ERC2: variants seen among roughly 807,000 people sequenced by gnomAD.
The protein encoded by ERC2 is ELKS/RAB6-interacting/CAST family member 2, also known as ERC protein 2.
ERC2 carries 42 observed loss-of-function variants against 114.8 expected under a neutral mutation model. The observed-to-expected ratio is 0.37, with a 90% CI of 0.29 to 0.47. The LOEUF (loss-of-function observed/expected upper bound fraction) is 0.47, where lower values mean the gene tolerates loss of function less well. ERC2 is among the 20% of genes least tolerant of loss of function. The pLI, the probability that ERC2 is intolerant of heterozygous loss-of-function variation, is 0.99. For missense variants in ERC2, 939 were observed against 1,150.7 expected, an observed-to-expected ratio of 0.82 and a Z score of 2.66; for synonymous variants, 454 against 425.5, an observed-to-expected ratio of 1.07 and a Z score of -0.82.
intron 14 of ERC2, among the ~76,000 whole-genome samples, chr3:55,760,108 G>A (rs1222298496): frequency 6.6e-6 from 1 of 152,138 alleles, no homozygotes; most frequent in African/African-American, 2.4e-5. Flanking sequence ...TTTTCTAATG[G>A]CTGAAAAAGG....
intron 12 of ERC2, among the ~76,000 whole-genome samples, chr3:55,952,485 G>T (rs2067650465): frequency 6.6e-6 from 1 of 152,080 alleles, no homozygotes; most frequent in South Asian, 2.1e-4. Context: ...ATGCCCTCTT[G>T]CTTTCTAATT....
At position 55,837,428 on chromosome 3, in the gene ERC2, A is replaced by G. The variant is rs1007323658; in HGVS notation, c.2564+50961T>C. Reference sequence around the variant, plus strand: ...ACCATGGAATACTATGCAGCCATAAAAAATGATGAGTTCATGTCCTTTGCA... The same window carrying G: ...ACCATGGAATACTATGCAGCCATAAGAAATGATGAGTTCATGTCCTTTGCA... On this transcript the variant is annotated intron_variant, in intron 14 of 17. Transcript: ENST00000288221. Among the ~76,000 whole-genome samples the G allele has an allele frequency of 5.3e-5, 8 of 152,304 alleles. No homozygotes were observed. The South Asian group carries it at 8.3e-4, about 16-fold the overall frequency.
chr3:55,600,583 T>C (rs753182008), intron 17 of ERC2, among the ~76,000 whole-genome samples: 1 of 152,238 alleles, frequency 6.6e-6, no homozygotes, highest in Non-Finnish European at 1.5e-5. Context: ...GGTTTTTGCA[T>C]TATACCCCTT....
At chr3:56,033,030 C>CATAAAGAAAGAAAGAA (rs1419601491) in intron 7 of ERC2, among the ~76,000 whole-genome samples, 1 of 65,184 alleles carries the variant, frequency 1.5e-5, no homozygotes, top group African/African-American at 5.4e-5. Context: ...AAAAAAGAAA[C>CATAAAGAAAGAAAGAA]AGAAAGAAAG....
At chr3:56,263,293 GA>G (rs970335324) in intron 3 of ERC2, among the ~76,000 whole-genome samples, 70 of 134,498 alleles carry the variant, frequency 5.2e-4, no homozygotes, top group African/African-American at 1.5e-3. Context: ...AACTGTCCAT[GA>G]AAAAAAAAAG....
At chr3:56,047,653 T>C (rs933024062) in intron 7 of ERC2, among the ~76,000 whole-genome samples, 1 of 152,196 alleles carries the variant, frequency 6.6e-6, no homozygotes, top group Non-Finnish European at 1.5e-5. Context: ...GAATGACTAG[T>C]AGTTTTGTTC....
chr3:56,419,058 C>T (rs2061284220), intron 2 of ERC2, among the ~76,000 whole-genome samples: 1 of 152,226 alleles, frequency 6.6e-6, no homozygotes, highest in Non-Finnish European at 1.5e-5. Flanking sequence ...TCCTTATTCA[C>T]AGTCTACATA....
intron 3 of ERC2, among the ~76,000 whole-genome samples, chr3:56,193,293 C>T (rs1025992591): frequency 2.0e-5 from 3 of 152,150 alleles, no homozygotes; most frequent in African/African-American, 7.2e-5. Flanking sequence ...GCAGGAGGAT[C>T]ACTCAGGAGT....
At chr3:56,032,545 C>T (rs1214099355) in intron 7 of ERC2, among the ~76,000 whole-genome samples, 1 of 151,774 alleles carries the variant, frequency 6.6e-6, no homozygotes, top group Non-Finnish European at 1.5e-5. Flanking sequence ...TCCGTGAAGC[C>T]AAAAGAATCC....
intron 17 of ERC2, among the ~76,000 whole-genome samples, chr3:55,547,393 C>A (rs1337687100): frequency 6.6e-6 from 1 of 152,188 alleles, no homozygotes; most frequent in African/African-American, 2.4e-5. Context: ...TGTTGCTGGG[C>A]CATTTGTTTT....
intron 7 of ERC2, among the ~76,000 whole-genome samples, chr3:56,028,289 T>G (rs1052967933): frequency 3.3e-5 from 5 of 152,172 alleles, no homozygotes; most frequent in African/African-American, 1.2e-4. Context: ...CGGGGGGTTA[T>G]GCCTTTTCAT....
At chr3:56,431,415 C>T (rs533821844) in intron 2 of ERC2, among the ~76,000 whole-genome samples, 1 of 152,318 alleles carries the variant, frequency 6.6e-6, no homozygotes, top group Admixed American at 6.5e-5. Flanking sequence ...CACTCTCCTC[C>T]CCTGCTGTGG....
intron 17 of ERC2, among the ~76,000 whole-genome samples, chr3:55,588,911 A>G (rs972636515): frequency 7.2e-5 from 11 of 151,996 alleles, no homozygotes; most frequent in African/African-American, 2.7e-4. Flanking sequence ...GCCGATAATC[A>G]TGGCTTGGGG....
chr3:56,311,255 CTATATATATA>C (rs67320179), intron 2 of ERC2, among the ~76,000 whole-genome samples: 19 of 79,032 alleles, frequency 2.4e-4, no homozygotes, highest in Non-Finnish European at 2.6e-4. Flanking sequence ...CTCTCTCTCT[CTATATATATA>C]TATATATATA....
At position 55,583,531 on chromosome 3, in the gene ERC2, T is replaced by TC. The variant is rs2057417722; in HGVS notation, c.*40-72256dup. Reference sequence around the variant, plus strand: ...TCCCTCCCTCCCTCCCTCCCTTCCTTCCTTCCTTCCTTTCTTCCTTCCTTC... The same window carrying TC: ...TCCCTCCCTCCCTCCCTCCCTTCCTTCCCTTCCTTCCTTTCTTCCTTCCTTC... On this transcript the variant is annotated intron_variant, in intron 17 of 17. Transcript: ENST00000288221. Among the ~76,000 whole-genome samples, 4 of 39,004 alleles carry TC rather than the reference T, an allele frequency of 1.0e-4. No homozygotes were observed. In the South Asian group the frequency reaches 5.8e-3, roughly 57 times the overall value. The allele number at this position is 39,004 out of a possible 152,430, so 25.6% of individuals were successfully genotyped here.
At chr3:55,628,466 A>C (rs1256301252) in intron 17 of ERC2, among the ~76,000 whole-genome samples, 1 of 152,218 alleles carries the variant, frequency 6.6e-6, no homozygotes, top group East Asian at 1.9e-4. Context: ...TTATTTTGAA[A>C]ACCATCTCAT....
At chr3:55,864,301 T>TAA (rs1313221674) in intron 14 of ERC2, among the ~76,000 whole-genome samples, 1 of 150,286 alleles carries the variant, frequency 6.7e-6, no homozygotes, top group Non-Finnish European at 1.5e-5. Flanking sequence ...TATATATATA[T>TAA]AATAGCTTAA....
intron 17 of ERC2, among the ~76,000 whole-genome samples, chr3:55,526,209 G>A (rs1238503473): frequency 2.6e-5 from 4 of 152,138 alleles, no homozygotes; most frequent in South Asian, 2.1e-4. Flanking sequence ...TAGAGGCTTC[G>A]AAGAGGGAAT....
intron 15 of ERC2, among the ~76,000 whole-genome samples, chr3:55,704,801 T>C (rs1032652077): frequency 1.3e-5 from 2 of 152,224 alleles, no homozygotes; most frequent in African/African-American, 2.4e-5. Context: ...ATGTAAAGGC[T>C]TCTACTGTGG....
Sources: allele counts gnomAD v4.1 joint callset (sites outside exome capture counted in the v4.1 genomes callset), GRCh38; gene constraint gnomAD v4.1.1; transcripts MANE v1.5; gene names NCBI Gene and HGNC (gene_info 2026-07-23, HGNC 2026-07-21).